The following TMEM156 variants were observed in gnomAD, a reference collection of about 807,000 sequenced individuals.
TMEM156 encodes transmembrane protein 156.
A neutral mutation model predicts 30.5 loss-of-function variants in TMEM156; 28 were observed. That is an observed-to-expected ratio of 0.92 (90% CI 0.68 to 1.26). TMEM156 has a LOEUF of 1.26. Among genes scored for constraint, TMEM156 ranks in the 50% most tolerant of loss-of-function variants. TMEM156 has a pLI of 0.00. For missense variants in TMEM156, 351 were observed against 340.6 expected, an observed-to-expected ratio of 1.03 and a Z score of -0.24; for synonymous variants, 137 against 119.9, an observed-to-expected ratio of 1.14 and a Z score of -0.93.
intron 3 of TMEM156, 148 bp from the exon 4 acceptor site, chr4:38,989,118 C>T (rs1294058126): frequency 1.4e-6 from 1 of 736,890 alleles, no homozygotes; most frequent in Admixed American, 2.8e-5. Flanking sequence ...GTCACTAGCT[C>T]TCCTGAATTC....
At chr4:38,997,293 G>A (rs959151369) in intron 2 of TMEM156, among the ~76,000 whole-genome samples, 6 of 152,200 alleles carry the variant, frequency 3.9e-5, no homozygotes, top group Non-Finnish European at 7.3e-5. Flanking sequence ...GGGCAGAGGG[G>A]TGAGGGTTGG....
At chr4:38,968,599 A>G (rs561786199) in intron 6 of TMEM156, among the ~76,000 whole-genome samples, 1 of 152,360 alleles carries the variant, frequency 6.6e-6, no homozygotes, top group South Asian at 2.1e-4. Context: ...CCCAGAATGA[A>G]CAACCAGAAT....
At chr4:39,019,361 T>C (rs1408217839) in intron 1 of TMEM156, among the ~76,000 whole-genome samples, 5 of 152,204 alleles carry the variant, frequency 3.3e-5, no homozygotes, top group African/African-American at 1.2e-4. Flanking sequence ...CTTGCATTTC[T>C]AATTTATTAT....
At chr4:39,020,895 T>C (rs2566133) in intron 1 of TMEM156, among the ~76,000 whole-genome samples, 88,953 of 151,960 alleles carry the variant, frequency 0.59, 26,061 homozygotes, top group Admixed American at 0.63. Context: ...TCATAATGGC[T>C]GTACTATTTT....
chr4:38,971,662 C>T (rs1722599899), intron 5 of TMEM156, among the ~76,000 whole-genome samples: 1 of 152,168 alleles, frequency 6.6e-6, no homozygotes, highest in East Asian at 1.9e-4. Flanking sequence ...TACATCATGA[C>T]ATCTCGTTCA....
intron 1 of TMEM156, among the ~76,000 whole-genome samples, chr4:39,021,263 G>A (rs1714847068): frequency 6.6e-6 from 1 of 151,686 alleles, no homozygotes. Flanking sequence ...AAATTAGCCA[G>A]TGTGGTGACC....
At position 39,002,924 on chromosome 4, in the gene TMEM156, C is replaced by T. The variant is rs367685494; in HGVS notation, c.89-4015G>A. On this transcript the variant is annotated intron_variant, in intron 1 of 6. Coordinates refer to ENST00000381938, the MANE Select transcript of TMEM156 (RefSeq NM_024943.3). Reference sequence around the variant, plus strand: ...GGGAGGGATAGCATTGGGAGATATACCTAATGCTAGATGACGAGTTAGTGG... The same window carrying T: ...GGGAGGGATAGCATTGGGAGATATATCTAATGCTAGATGACGAGTTAGTGG... Among the ~76,000 whole-genome samples the T allele has an allele frequency of 4.1e-4, 63 of 151,942 alleles. 1 individual carries two copies. The South Asian group carries it at 0.012, about 29-fold the overall frequency.
intron 3 of TMEM156, among the ~76,000 whole-genome samples, chr4:38,992,986 C>T (rs1577537573): frequency 6.6e-6 from 1 of 151,140 alleles, no homozygotes; most frequent in Non-Finnish European, 1.5e-5. Context: ...TGGTCTCGAA[C>T]TCCTGACCTC....
intron 5 of TMEM156, among the ~76,000 whole-genome samples, chr4:38,984,686 A>C (rs549802303): frequency 5.9e-5 from 9 of 152,312 alleles, no homozygotes; most frequent in African/African-American, 1.9e-4. Flanking sequence ...TAGGGAAGGA[A>C]AAGATTGCAT....
chr4:39,013,893 T>C (rs1714299488), intron 1 of TMEM156, among the ~76,000 whole-genome samples: 1 of 152,202 alleles, frequency 6.6e-6, no homozygotes, highest in Non-Finnish European at 1.5e-5. Flanking sequence ...AATGTAAATA[T>C]ATAGGCCATG....
intron 1 of TMEM156, among the ~76,000 whole-genome samples, chr4:39,021,394 C>CA (rs35120494): frequency 0.71 from 102,922 of 145,276 alleles, 35,991 homozygotes; most frequent in African/African-American, 0.78. Context: ...GACCTTGTCT[C>CA]AAAAAAAAAT....
At position 38,993,911 on chromosome 4, in the gene TMEM156, A is replaced by C; in HGVS notation, c.446T>G (p.Val149Gly). 1 of 1,614,176 alleles carries C rather than the reference A, an allele frequency of 6.2e-7. No individual in the cohort carries two copies. The change falls in exon 3 of 7, where the codon GTT becomes GGT. Residue 149 changes from valine (V) to glycine (G), a missense_variant. By Grantham distance (109) the Val-to-Gly change is moderately radical. Coordinates refer to ENST00000381938, the MANE Select transcript of TMEM156 (RefSeq NM_024943.3). ...QHFNFSVAPL[V>G]DHLEEYNTTC... is the part of the protein sequence containing the mutation. ...AGTGTTATATTCCTCCAAGTGGTCAACCAGAGGAGCTACACTGAAGTTAAA... is the reference window on the plus strand; with the variant it reads ...AGTGTTATATTCCTCCAAGTGGTCACCCAGAGGAGCTACACTGAAGTTAAA...
chr4:39,018,052 T>C (rs889601406), intron 1 of TMEM156, among the ~76,000 whole-genome samples: 1 of 152,194 alleles, frequency 6.6e-6, no homozygotes, highest in African/African-American at 2.4e-5. Context: ...TGTACCATGC[T>C]TTCTATTGTT....
intron 2 of TMEM156, among the ~76,000 whole-genome samples, chr4:38,995,469 C>T (rs1285129392): frequency 6.6e-6 from 1 of 152,208 alleles, no homozygotes; most frequent in Non-Finnish European, 1.5e-5. Flanking sequence ...GTAATCCCAG[C>T]ACTTTGGGAG....
chr4:38,989,516 G>A (rs1712261064), intron 3 of TMEM156, among the ~76,000 whole-genome samples: 1 of 152,212 alleles, frequency 6.6e-6, no homozygotes, highest in Non-Finnish European at 1.5e-5. Flanking sequence ...TGCTTTGCAC[G>A]CCAATGATCA....
chr4:39,007,941 G>A (rs1447025842), intron 1 of TMEM156, among the ~76,000 whole-genome samples: 1 of 151,944 alleles, frequency 6.6e-6, no homozygotes, highest in African/African-American at 2.4e-5. Flanking sequence ...CTGTCTGTTG[G>A]TAGTATATGG....
intron 5 of TMEM156, among the ~76,000 whole-genome samples, chr4:38,976,551 C>T (rs6814637): frequency 0.22 from 33,453 of 152,050 alleles, 3,752 homozygotes; most frequent in Middle Eastern, 0.28. Context: ...GCAGAAGATC[C>T]GGTTAAGCCA....
chr4:39,013,317 A>G (rs979392543), intron 1 of TMEM156, among the ~76,000 whole-genome samples: 9 of 151,644 alleles, frequency 5.9e-5, no homozygotes, highest in East Asian at 1.9e-4. Context: ...CAAAAAAAAA[A>G]AAAGAAAGAA....
intron 1 of TMEM156, among the ~76,000 whole-genome samples, chr4:39,021,035 A>G (rs991235357): frequency 6.6e-6 from 1 of 152,148 alleles, no homozygotes; most frequent in African/African-American, 2.4e-5. Flanking sequence ...ATAAAATTTC[A>G]ATTTGTATTT....
Sources: gnomAD v4.1 joint callset for allele counts (sites outside exome capture counted in the v4.1 genomes callset) on GRCh38, gnomAD v4.1.1 for gene constraint, MANE v1.5 for transcripts, NCBI Gene and HGNC (gene_info 2026-07-23, HGNC 2026-07-21) for gene names.